Variants in RNF2 observed in about 807,000 individuals in gnomAD.
RNF2 encodes the protein ring finger protein 2.
In RNF2, 6 loss-of-function variants were observed where a neutral mutation model predicts 37.2. That is an observed-to-expected ratio of 0.16 (90% CI 0.09 to 0.32). The LOEUF (loss-of-function observed/expected upper bound fraction) is 0.32. Among genes scored for constraint, RNF2 ranks in the 10% least tolerant of loss-of-function variants. RNF2 has a pLI of 1.00. For missense variants in RNF2, 251 were observed against 404.0 expected, an observed-to-expected ratio of 0.62 and a Z score of 3.25; for synonymous variants, 133 against 132.7, an observed-to-expected ratio of 1.00 and a Z score of -0.02.
At chr1:185,069,286 C>A (rs1650894373) in intron 1 of RNF2, among the ~76,000 whole-genome samples, 1 of 151,924 alleles carries the variant, frequency 6.6e-6, no homozygotes, top group African/African-American at 2.4e-5. Context: ...AACCCCGTCT[C>A]TACAAAAAAT....
At chr1:185,047,941 A>G (rs574937924) in intron 1 of RNF2, among the ~76,000 whole-genome samples, 8 of 152,164 alleles carry the variant, frequency 5.3e-5, no homozygotes, top group Non-Finnish European at 1.0e-4. Flanking sequence ...CTTAGTGTTT[A>G]TTTGCATTTA....
Position 185,093,120 on chromosome 1 carries a change from A to G in RNF2, c.308A>G (p.Asp103Gly), listed in dbSNP as rs1214724666. 1 of 1,613,982 alleles carries G rather than the reference A, an allele frequency of 6.2e-7. No homozygotes were observed. Among genetic ancestry groups the G allele is most frequent in the Non-Finnish European group, 8.5e-7 (1 of 1,179,900 alleles). The change falls in exon 4 of 7, where the codon GAC becomes GGC. Residue 103 changes from aspartate (D) to glycine (G), a missense_variant. Physicochemically the swap from Asp to Gly is moderately conservative, Grantham distance 94. Transcript: ENST00000367510. ...GTTTCCAAAAGATCACTAAGGCCAGACCCAAACTTTGATGCACTCATCAGC... is the reference window on the plus strand; with the variant it reads ...GTTTCCAAAAGATCACTAAGGCCAGGCCCAAACTTTGATGCACTCATCAGC... ...KLVSKRSLRPDPNFDALISKI... is the reference protein window; with the variant it reads ...KLVSKRSLRPGPNFDALISKI...
At chr1:185,066,406 C>G (rs1360741260) in intron 1 of RNF2, among the ~76,000 whole-genome samples, 2 of 152,172 alleles carry the variant, frequency 1.3e-5, no homozygotes, top group Non-Finnish European at 2.9e-5. Flanking sequence ...GGACTGCTTT[C>G]TTTCCTCGCT....
In RNF2 at chr1:185,085,519, T is replaced by G. The variant is rs1020331380; in HGVS notation, c.-2-2033T>G. Among the ~76,000 whole-genome samples, 9 of 152,166 alleles carry G rather than the reference T, an allele frequency of 5.9e-5. No homozygotes were observed. The East Asian group carries it at 9.6e-4, about 16-fold the overall frequency. Reference sequence around the variant, plus strand: ...TCTCTGTGTCCATGTTTAATTGCTTTAGTTCACATAGTTAATATCATACAG... The same window carrying G: ...TCTCTGTGTCCATGTTTAATTGCTTGAGTTCACATAGTTAATATCATACAG... On this transcript the variant is annotated intron_variant, in intron 1 of 6. Transcript: ENST00000367510.
chr1:185,080,915 A>G (rs970435943), intron 1 of RNF2, among the ~76,000 whole-genome samples: 1 of 152,178 alleles, frequency 6.6e-6, no homozygotes, highest in African/African-American at 2.4e-5. Flanking sequence ...TCTGCTTATA[A>G]TTAGTCCTAG....
chr1:185,054,732 C>G (rs904950905), intron 1 of RNF2, among the ~76,000 whole-genome samples: 1 of 152,152 alleles, frequency 6.6e-6, no homozygotes, highest in Non-Finnish European at 1.5e-5. Context: ...GACAGGGTCT[C>G]TTTCGCCGGG....
chr1:185,059,997 A>G (rs770463426), intron 1 of RNF2, among the ~76,000 whole-genome samples: 13 of 152,178 alleles, frequency 8.5e-5, no homozygotes, highest in South Asian at 2.1e-4. Flanking sequence ...GTATATTTCC[A>G]TTGACACAAG....
At chr1:185,093,404 G>T in intron 4 of RNF2, 128 bp downstream of exon 4, 6 of 754,966 alleles carry the variant, frequency 7.9e-6, no homozygotes, top group Non-Finnish European at 1.3e-5. Flanking sequence ...CTTTCGTGCA[G>T]GTATAATACA....
chr1:185,099,468 G>A (rs866481826), intron 5 of RNF2, among the ~76,000 whole-genome samples: 1 of 152,152 alleles, frequency 6.6e-6, no homozygotes, highest in African/African-American at 2.4e-5. Context: ...TAGGGTTTGG[G>A]GGGTATGTTC....
intron 1 of RNF2, among the ~76,000 whole-genome samples, chr1:185,084,489 A>G (rs142715202): frequency 7.1e-4 from 108 of 152,270 alleles, no homozygotes; most frequent in Admixed American, 1.2e-3. Flanking sequence ...AGATAGTTTG[A>G]GGGGTTTTGT....
intron 1 of RNF2, among the ~76,000 whole-genome samples, chr1:185,082,426 C>T (rs1210562049): frequency 6.8e-6 from 1 of 146,458 alleles, no homozygotes; most frequent in African/African-American, 2.5e-5. Flanking sequence ...TCTTGGCTCA[C>T]TGCAACCTCT....
chr1:185,082,345 C>CTTTTTTTTTTTTTTTTTTGTT (rs1651444953), intron 1 of RNF2, among the ~76,000 whole-genome samples: 1 of 72,000 alleles, frequency 1.4e-5, no homozygotes, highest in African/African-American at 4.3e-5. Flanking sequence ...CTCTGCAGAA[C>CTTTTTTTTTTTTTTTTTTGTT]TTTTTTTTTT....
rs1557977834 is a variant in RNF2 at position 185,101,831 on chromosome 1, G to GTTTT, written c.*1530_*1531insTTTT. ...AAATATTTAAAATCTGTTTTTACAG[G>GTTTT]GTTTTTTTTTTTTTTTTTTTTTTGT... On this transcript the variant is annotated 3_prime_UTR_variant, in exon 7 of 7. Coordinates refer to ENST00000367510, the MANE Select transcript of RNF2 (RefSeq NM_007212.4). 1 of 76,804 alleles carries GTTTT rather than the reference G, an allele frequency of 1.3e-5. No individual in the cohort carries two copies. Among genetic ancestry groups the GTTTT allele is most frequent in the East Asian group, 3.6e-4 (1 of 2,748 alleles). The allele number at this position is 76,804 out of a possible 1,614,324, so 4.8% of individuals were successfully genotyped here.
At chr1:185,055,130 A>G (rs1483869724) in intron 1 of RNF2, among the ~76,000 whole-genome samples, 2 of 152,234 alleles carry the variant, frequency 1.3e-5, no homozygotes, top group Non-Finnish European at 1.5e-5. Context: ...GGAATAGGGA[A>G]AGTATGCTCT....
At chr1:185,076,215 A>G (rs1330805103) in intron 1 of RNF2, among the ~76,000 whole-genome samples, 1 of 104,280 alleles carries the variant, frequency 9.6e-6, no homozygotes, top group African/African-American at 3.6e-5. Flanking sequence ...TCTTCTGGGT[A>G]TTGTATCTTG....
At chr1:185,099,732 G>A (rs1293652579) in intron 5 of RNF2, 59 bp from the exon 6 acceptor site, 1 of 1,392,482 alleles carries the variant, frequency 7.2e-7, no homozygotes, top group South Asian at 1.3e-5. Flanking sequence ...CATAATTTAA[G>A]TACATTTTTC....
In RNF2 at chr1:185,076,275, T is replaced by G. The variant is rs867548707; in HGVS notation, c.-2-11277T>G. Reference sequence around the variant, plus strand: ...CTAGATCTTTTATGGGTTGTTTTTTTTTTTTTTTTTTTTTTTTTTTTTTTT... The same window carrying G: ...CTAGATCTTTTATGGGTTGTTTTTTGTTTTTTTTTTTTTTTTTTTTTTTTT... On this transcript the variant is annotated intron_variant, in intron 1 of 6. Transcript: ENST00000367510. Among the ~76,000 whole-genome samples the G allele has an allele frequency of 9.1e-3, 299 of 32,986 alleles. 6 individuals are homozygous for G. The East Asian group carries it at 0.13, about 14-fold the overall frequency. 21.6% of individuals were successfully genotyped at this position (32,986 alleles called of 152,430 possible).
intron 1 of RNF2, among the ~76,000 whole-genome samples, chr1:185,084,591 G>A (rs756985306): frequency 5.3e-5 from 8 of 152,150 alleles, no homozygotes; most frequent in Non-Finnish European, 1.0e-4. Context: ...GTCACAAAAG[G>A]CCATTGCATA....
chr1:185,096,693 T>C (rs1397625909), intron 4 of RNF2, among the ~76,000 whole-genome samples: 1 of 152,202 alleles, frequency 6.6e-6, no homozygotes, highest in Non-Finnish European at 1.5e-5. Flanking sequence ...CTATTCATGT[T>C]GTATGTGGCA....
Sources: allele counts gnomAD v4.1 joint callset (sites outside exome capture counted in the v4.1 genomes callset), GRCh38; gene constraint gnomAD v4.1.1; transcripts MANE v1.5; gene names NCBI Gene and HGNC (gene_info 2026-07-23, HGNC 2026-07-21).